CORO2B: variants seen among roughly 807,000 people sequenced by gnomAD.
CORO2B encodes coronin-2B.
In CORO2B, 26 loss-of-function variants were observed where a neutral mutation model predicts 58.8. The ratio of observed to expected loss-of-function variants is 0.44; its 90% CI spans 0.32 to 0.61. The LOEUF is 0.61. CORO2B is among the 20% of genes least tolerant of loss of function. CORO2B has a pLI of 0.04. For missense variants in CORO2B, 460 were observed against 645.1 expected (o/e 0.71, Z 3.11); for synonymous variants, 242 against 253.8 (o/e 0.95, Z 0.44).
intron 1 of CORO2B, among the ~76,000 whole-genome samples, chr15:68,621,636 T>C (rs1297632099): frequency 1.3e-5 from 2 of 152,080 alleles, no homozygotes; most frequent in Non-Finnish European, 2.9e-5. Context: ...TGGCCTTGCT[T>C]TGGTTTGGTT....
At chr15:68,655,541 G>T (rs1566997615) in intron 2 of CORO2B, among the ~76,000 whole-genome samples, 1 of 152,174 alleles carries the variant, frequency 6.6e-6, no homozygotes, top group South Asian at 2.1e-4. Flanking sequence ...AAGGTTGCAT[G>T]ACATGCCTGG....
chr15:68,579,031 T>C lies in CORO2B; in HGVS notation c.-232T>C, dbSNP rs1334187694. ...CTTCCTGCGGCGAAGGAGGCTCATC[T>C]ATTATAAATGCACATTCGGGGCTGA... is the stretch of plus-strand genomic sequence containing the variant. On this transcript the variant is annotated 5_prime_UTR_variant, in exon 1 of 12. Coordinates refer to ENST00000261861, the MANE Select transcript of CORO2B (RefSeq NM_006091.5). The C allele has an allele frequency of 2.0e-6, 2 of 983,800 alleles. No homozygotes were observed. Among genetic ancestry groups the C allele is most frequent in the Non-Finnish European group, 2.4e-6 (2 of 829,604 alleles). The allele number at this position is 983,800 out of a possible 1,614,324, so 60.9% of individuals were successfully genotyped here.
At chr15:68,641,017 C>A (rs975493679) in intron 1 of CORO2B, among the ~76,000 whole-genome samples, 1 of 152,098 alleles carries the variant, frequency 6.6e-6, no homozygotes, top group African/African-American at 2.4e-5. Flanking sequence ...GGTTGTGGAG[C>A]CATCGATCAA....
intron 5 of CORO2B, among the ~76,000 whole-genome samples, chr15:68,712,842 T>C (rs926578017): frequency 1.3e-5 from 2 of 152,022 alleles, no homozygotes; most frequent in Admixed American, 1.3e-4. Flanking sequence ...GGAGCTAGGA[T>C]TCAAACCCAG....
intron 2 of CORO2B, among the ~76,000 whole-genome samples, chr15:68,681,111 C>T (rs34202070): frequency 6.6e-6 from 1 of 152,006 alleles, no homozygotes; most frequent in East Asian, 1.9e-4. Flanking sequence ...TACTCGCGAA[C>T]CTGAGGCAGG....
intron 1 of CORO2B, among the ~76,000 whole-genome samples, chr15:68,640,101 AC>A (rs1263485867): frequency 6.6e-6 from 1 of 152,190 alleles, no homozygotes; most frequent in East Asian, 1.9e-4. Flanking sequence ...ATCTGACCTC[AC>A]AGTGAGGTCA....
At chr15:68,718,376 C>T (rs1485374879) in intron 8 of CORO2B, among the ~76,000 whole-genome samples, 5 of 152,202 alleles carry the variant, frequency 3.3e-5, no homozygotes, top group Non-Finnish European at 7.3e-5. Flanking sequence ...ACCCCTTGCC[C>T]TCTGACCCTC....
At chr15:68,613,897 A>G (rs117813868) in intron 1 of CORO2B, among the ~76,000 whole-genome samples, 5 of 152,188 alleles carry the variant, frequency 3.3e-5, no homozygotes, top group Admixed American at 6.5e-5. Flanking sequence ...TTGCTTTTCA[A>G]TTATAAATTG....
Position 68,645,020 on chromosome 15 carries a change from C to G in CORO2B, c.16-140C>G. ...TGAATTCTTGGATGCTTCTTCCTTTCCATCTCTTCCTGACAGGGGACCCAG... is the reference window on the plus strand; with the variant it reads ...TGAATTCTTGGATGCTTCTTCCTTTGCATCTCTTCCTGACAGGGGACCCAG... On this transcript the variant is annotated intron_variant, in intron 1 of 11. Transcript: ENST00000261861. The surrounding 1 kb of genome is among the most constrained non-coding windows in gnomAD (Gnocchi z 4.5). 6.5e-6 allele frequency: 5 copies of G among 767,832 alleles called. No homozygotes were observed. Among genetic ancestry groups the G allele is most frequent in the Non-Finnish European group, 1.0e-5 (5 of 479,608 alleles). The allele number at this position is 767,832 out of a possible 1,614,324, so 47.6% of individuals were successfully genotyped here.
At chr15:68,599,800 T>G (rs1030246407) in intron 1 of CORO2B, among the ~76,000 whole-genome samples, 1 of 152,244 alleles carries the variant, frequency 6.6e-6, no homozygotes, top group African/African-American at 2.4e-5. Context: ...GGTCTCATTA[T>G]GCTGTGACTC....
chr15:68,703,396 C>T (rs1028947962), intron 3 of CORO2B, among the ~76,000 whole-genome samples: 2 of 151,902 alleles, frequency 1.3e-5, no homozygotes, highest in African/African-American at 4.8e-5. Context: ...AGTGAACTGC[C>T]CGCCTGGGCC....
chr15:68,538,436 C>A, the CORO2B span, among the ~76,000 whole-genome samples: 12 of 152,256 alleles, frequency 7.9e-5, no homozygotes, highest in African/African-American at 2.9e-4. Context: ...AACCTCTGGC[C>A]TCAGCTGCGG....
chr15:68,683,752 A>G (rs953908431), intron 2 of CORO2B, among the ~76,000 whole-genome samples: 10 of 152,182 alleles, frequency 6.6e-5, no homozygotes, highest in Non-Finnish European at 1.2e-4. Context: ...CCTCTCGGCA[A>G]GAGAGTGTGG....
At chr15:68,641,436 TG>T in intron 1 of CORO2B, 2 of 738,620 alleles carry the variant, frequency 2.7e-6, no homozygotes, top group Non-Finnish European at 3.3e-6. Flanking sequence ...GCTGGGGATT[TG>T]GGGGAGAGAG....
chr15:68,652,010 C>G (rs1486445875), intron 2 of CORO2B, among the ~76,000 whole-genome samples: 1 of 152,240 alleles, frequency 6.6e-6, no homozygotes, highest in Non-Finnish European at 1.5e-5. Flanking sequence ...TTCATTGATC[C>G]TCTCAGCAGG....
chr15:68,694,373 T>G (rs1457930194), intron 2 of CORO2B, among the ~76,000 whole-genome samples: 3 of 152,204 alleles, frequency 2.0e-5, no homozygotes, highest in Non-Finnish European at 2.9e-5. Flanking sequence ...CTATTCTCAT[T>G]TTAGAGAGGG....
the CORO2B span, among the ~76,000 whole-genome samples, chr15:68,526,709 T>A: frequency 6.6e-6 from 1 of 152,246 alleles, no homozygotes; most frequent in East Asian, 1.9e-4. Context: ...TCTTTTCCTT[T>A]ACTGAAGATG....
the CORO2B span, among the ~76,000 whole-genome samples, chr15:68,570,433 G>A: frequency 6.6e-6 from 1 of 152,134 alleles, no homozygotes; most frequent in African/African-American, 2.4e-5. Flanking sequence ...ATGAGTTAGG[G>A]GCTACTGTGG....
intron 11 of CORO2B, among the ~76,000 whole-genome samples, chr15:68,720,713 C>T (rs904139253): frequency 2.0e-5 from 3 of 152,204 alleles, no homozygotes; most frequent in Non-Finnish European, 4.4e-5. Context: ...CAAGAGAGGG[C>T]ACCCAAGATG....
Sources: allele counts gnomAD v4.1 joint callset (sites outside exome capture counted in the v4.1 genomes callset), GRCh38; gene constraint gnomAD v4.1.1; non-coding constraint Gnocchi (gnomAD v3.1); transcripts MANE v1.5; gene names NCBI Gene and HGNC (gene_info 2026-07-23, HGNC 2026-07-21).